FMO5: variants seen among roughly 807,000 people sequenced by gnomAD.
The protein encoded by FMO5 is flavin-containing monooxygenase 5.
FMO5 carries 51 observed loss-of-function variants against 43.6 expected under a neutral mutation model. The ratio of observed to expected loss-of-function variants is 1.17; its 90% CI spans 0.93 to 1.48. The LOEUF (loss-of-function observed/expected upper bound fraction) is 1.48. Among genes scored for constraint, FMO5 ranks in the 40% most tolerant of loss-of-function variants. The probability of loss-of-function intolerance (pLI) is 0.00; values close to 1 mark genes in which losing one functional copy is unlikely to be tolerated. For synonymous variants in FMO5, 187 were observed against 216.5 expected, an observed-to-expected ratio of 0.86 and a Z score of 1.20; for missense variants, 644 against 643.0, an observed-to-expected ratio of 1.00 and a Z score of -0.02.
chr1:147,200,283 T>G (rs1658750119), intron 7 of FMO5, among the ~76,000 whole-genome samples: 1 of 152,354 alleles, frequency 6.6e-6, no homozygotes, highest in Admixed American at 6.5e-5. Context: ...TCCATGTGCC[T>G]TCCCTTCAGA....
chr1:147,204,710 C>T, intron 6 of FMO5: 1 of 1,525,670 alleles, frequency 6.6e-7, no homozygotes, highest in Non-Finnish European at 9.1e-7. Flanking sequence ...ACTTCTAGTT[C>T]TCTTAAAATA....
At position 147,208,987 on chromosome 1, in the gene FMO5, G is replaced by C; in HGVS notation, c.695C>G (p.Ala232Gly). The C allele has an allele frequency of 1.9e-6, 3 of 1,613,998 alleles. No homozygotes were observed. Among genetic ancestry groups the C allele is most frequent in the Non-Finnish European group, 2.5e-6 (3 of 1,179,954 alleles). ...AAGTCGAGAAGAGAACAACACATCA[G>C]CAGGATATCCGTAGTCCCCTACACG... ...LNRVGDYGYP[A>G]DVLFSSRLTH... Residue 232 changes from alanine to glycine, a missense_variant, in exon 6 of 9, where the codon GCT becomes GGT. Physicochemically the swap from Ala to Gly is moderately conservative, Grantham distance 60 (BLOSUM62 0). Coordinates refer to ENST00000254090, the MANE Select transcript of FMO5 (RefSeq NM_001461.4).
In FMO5 at chr1:147,186,732, T is replaced by C; in HGVS notation, c.*168A>G. 7.0e-7 allele frequency: 1 copy of C among 1,431,500 alleles called. No homozygotes were observed. Among genetic ancestry groups the C allele is most frequent in the South Asian group, 1.5e-5 (1 of 64,910 alleles). 88.7% of individuals were successfully genotyped at this position (1,431,500 alleles called of 1,614,324 possible). On this transcript the variant is annotated 3_prime_UTR_variant, in exon 9 of 9. Coordinates refer to ENST00000254090, the MANE Select transcript of FMO5 (RefSeq NM_001461.4). ...TGGAAGGGAGATGAGTTAATACAAATGGAAAACAGGTTTCATTGTAGGAAA... is the reference window on the plus strand; with the variant it reads ...TGGAAGGGAGATGAGTTAATACAAACGGAAAACAGGTTTCATTGTAGGAAA...
chr1:147,202,309 G>GTCTTTTTT (rs1659115947), intron 6 of FMO5, among the ~76,000 whole-genome samples: 1 of 118,436 alleles, frequency 8.4e-6, no homozygotes, highest in African/African-American at 3.2e-5. Context: ...CTAAAAAGCA[G>GTCTTTTTT]TTCTTTTTTT....
At chr1:147,222,764 G>A (rs587706949) in intron 2 of FMO5, among the ~76,000 whole-genome samples, 3 of 152,302 alleles carry the variant, frequency 2.0e-5, no homozygotes, top group South Asian at 2.1e-4. Flanking sequence ...AAACCTCCAC[G>A]TTAAGTCTTT....
In FMO5 at chr1:147,219,101, T is replaced by G. The variant is rs1243137163; in HGVS notation, c.136-3159A>C. Among the ~76,000 whole-genome samples the G allele has an allele frequency of 2.6e-5, 4 of 152,226 alleles. 1 individual carries two copies. Among genetic ancestry groups the G allele is most frequent in the Non-Finnish European group, 5.9e-5 (4 of 68,044 alleles). Reference sequence around the variant, plus strand: ...AAATGCTTTGAAATGAATTAGTTAATGAATTATGGAAATTGAATTTGGAGA... The same window carrying G: ...AAATGCTTTGAAATGAATTAGTTAAGGAATTATGGAAATTGAATTTGGAGA... On this transcript the variant is annotated intron_variant, in intron 2 of 8. Coordinates refer to ENST00000254090, the MANE Select transcript of FMO5 (RefSeq NM_001461.4).
At chr1:147,226,701 T>C (rs1270493710), upstream of FMO5, among the ~76,000 whole-genome samples, 1 of 152,338 alleles carries the variant, frequency 6.6e-6, no homozygotes, top group East Asian at 1.9e-4. Flanking sequence ...AATTTTGCTC[T>C]TCCAATCTGC....
At chr1:147,217,890 C>T (rs1190649614) in intron 2 of FMO5, among the ~76,000 whole-genome samples, 2 of 152,148 alleles carry the variant, frequency 1.3e-5, no homozygotes, top group African/African-American at 4.8e-5. Flanking sequence ...TTGTAAGCCC[C>T]TTGAATTGTA....
intron 2 of FMO5, among the ~76,000 whole-genome samples, chr1:147,223,395 A>C (rs1663409997): frequency 6.6e-6 from 1 of 152,250 alleles, no homozygotes; most frequent in African/African-American, 2.4e-5. Flanking sequence ...TTTCGGTTCA[A>C]CTAAGAAATG....
At chr1:147,184,651 G>C, downstream of FMO5, 1 of 1,510,944 alleles carries the variant, frequency 6.6e-7, no homozygotes, top group Non-Finnish European at 8.9e-7. This position sits in a 1 kb window ranked among gnomAD's most constrained non-coding sequence, Gnocchi z 4.4. Context: ...GTTTTTGAGA[G>C]GAATACAACA....
intron 2 of FMO5, among the ~76,000 whole-genome samples, chr1:147,216,368 C>G (rs1287723639): frequency 2.0e-5 from 3 of 152,114 alleles, no homozygotes; most frequent in Non-Finnish European, 4.4e-5. Context: ...CTATTCTATC[C>G]CAGCTGAAGT....
At chr1:147,215,491 A>G (rs1252535277) in intron 3 of FMO5, 2 of 409,644 alleles carry the variant, frequency 4.9e-6, no homozygotes, top group Admixed American at 4.2e-5. Flanking sequence ...GTTTATTGCA[A>G]TCAAATAATG....
intron 6 of FMO5, chr1:147,203,453 T>C (rs1051157681): frequency 7.2e-6 from 6 of 835,712 alleles, no homozygotes; most frequent in Non-Finnish European, 1.3e-5. Flanking sequence ...AACATGTCCG[T>C]TACAGCAGGG....
intron 6 of FMO5, chr1:147,205,011 T>G: frequency 1.3e-6 from 1 of 780,842 alleles, no homozygotes; most frequent in Non-Finnish European, 2.2e-6. Flanking sequence ...CTGATGAACC[T>G]GGAGATACAT....
At chr1:147,204,211 C>A (rs1447324438) in intron 6 of FMO5, 11 of 1,385,256 alleles carry the variant, frequency 7.9e-6, no homozygotes, top group Admixed American at 1.7e-5. Flanking sequence ...GACAAGAGTA[C>A]ACTGCTATTT....
chr1:147,203,762 G>A (rs1170381637), intron 6 of FMO5: 2 of 1,529,888 alleles, frequency 1.3e-6, no homozygotes, highest in African/African-American at 1.4e-5. Flanking sequence ...ATCATCTACT[G>A]CCCTTTCTAT....
chr1:147,201,924 T>C (rs1222133459), intron 6 of FMO5, among the ~76,000 whole-genome samples: 3 of 152,212 alleles, frequency 2.0e-5, no homozygotes, highest in Non-Finnish European at 4.4e-5. Context: ...GCCACTGTTT[T>C]CCAAACTGTA....
At chr1:147,203,369 C>A in intron 6 of FMO5, 1 of 1,155,988 alleles carries the variant, frequency 8.7e-7, no homozygotes, top group African/African-American at 1.5e-5. Context: ...ACTCTAAGTA[C>A]AGTGACTGCA....
downstream of FMO5, among the ~76,000 whole-genome samples, chr1:147,184,965 G>A (rs1212546970): frequency 6.6e-6 from 1 of 150,758 alleles, no homozygotes; most frequent in African/African-American, 2.4e-5. This position sits in a 1 kb window ranked among gnomAD's most constrained non-coding sequence, Gnocchi z 4.4. Context: ...CAATTTTCTG[G>A]CACTACAAGA....
Sources: gnomAD v4.1 joint callset for allele counts (sites outside exome capture counted in the v4.1 genomes callset) on GRCh38, gnomAD v4.1.1 for gene constraint, Gnocchi (gnomAD v3.1) non-coding constraint, MANE v1.5 for transcripts, NCBI Gene and HGNC (gene_info 2026-07-23, HGNC 2026-07-21) for gene names.